Variants in ZNF81 observed in about 807,000 individuals in gnomAD.
ZNF81 encodes zinc finger protein 81, also known as zinc finger protein 81 (HFZ20).
Under a neutral mutation model 32.3 loss-of-function variants are expected in ZNF81, and 5 were observed. The observed-to-expected ratio is 0.15, with a 90% confidence interval of 0.08 to 0.33. The LOEUF is 0.33. Among genes scored for constraint, ZNF81 ranks in the 10% least tolerant of loss-of-function variants. The probability of loss-of-function intolerance (pLI) is 1.00; values close to 1 mark genes in which losing one functional copy is unlikely to be tolerated. For synonymous variants in ZNF81, 163 were observed against 166.8 expected (o/e 0.98, Z 0.17); for missense variants, 379 against 479.8 (o/e 0.79, Z 1.96).
chrX:47,854,952 G>T (rs970055427), intron 2 of ZNF81, among the ~76,000 whole-genome samples: 1 of 109,942 alleles, frequency 9.1e-6, no homozygotes, highest in African/African-American at 3.3e-5. Context: ...AATATTAGCC[G>T]GGTGTGGTGG....
At chrX:47,904,215 G>T (rs1436030190) in intron 4 of ZNF81, among the ~76,000 whole-genome samples, 1 of 111,312 alleles carries the variant, frequency 9.0e-6, no homozygotes, top group Non-Finnish European at 1.9e-5. Context: ...TTGACAAATG[G>T]GATCTAATTA....
At chrX:47,842,281 G>A (rs74728075) in intron 1 of ZNF81, among the ~76,000 whole-genome samples, 1,359 of 111,709 alleles carry the variant, frequency 0.012, 16 homozygotes, top group Non-Finnish European at 0.02. Flanking sequence ...GTGTTTGGCT[G>A]GAGAAGGCTG....
intron 1 of ZNF81, among the ~76,000 whole-genome samples, chrX:47,838,201 T>G (rs1336216452): frequency 8.9e-6 from 1 of 111,982 alleles, no homozygotes; most frequent in Non-Finnish European, 1.9e-5. Flanking sequence ...ATTATTAGGT[T>G]TTACACCTTT....
At chrX:47,844,039 A>G (rs782022733) in intron 1 of ZNF81, among the ~76,000 whole-genome samples, 9 of 111,995 alleles carry the variant, frequency 8.0e-5, no homozygotes, top group Non-Finnish European at 1.5e-4. Context: ...TTTCACTCCA[A>G]ATACAATGCT....
In ZNF81 at chrX:47,924,134, T is replaced by G. The variant is rs2058784738; in HGVS notation, c.*7502T>G. On this transcript the variant is annotated 3_prime_UTR_variant, in exon 5 of 5. Coordinates refer to ENST00000338637, the MANE Select transcript of ZNF81 (RefSeq NM_007137.5). ...TGGTTTAGTGATTTCTTTAGTCTTC[T>G]AACTCCCCCTTCTAAACCTTCCCCA... Among the ~76,000 whole-genome samples, 1 of 112,133 alleles carries G rather than the reference T, an allele frequency of 8.9e-6. No individual in the cohort carries two copies.
Position 47,836,956 on chromosome X carries a change from G to A in ZNF81, c.-195G>A, listed in dbSNP as rs2058427544. 1 of 216,819 alleles carries A rather than the reference G, an allele frequency of 4.6e-6. No homozygotes were observed. The highest frequency in any genetic ancestry group is 8.9e-6 in the Non-Finnish European group (1 of 112,689). The allele number at this position is 216,819 out of a possible 1,213,427, so 17.9% of individuals were successfully genotyped here. On this transcript the variant is annotated 5_prime_UTR_variant, in exon 1 of 5. Transcript: ENST00000338637. ...AGCCGGGGTTTGATAGTTGTCAGGA[G>A]GATTCGACGTTCAGTGCCCAGGGAT...
chrX:47,908,697 A>G (rs2058728998), intron 4 of ZNF81, among the ~76,000 whole-genome samples: 1 of 112,591 alleles, frequency 8.9e-6, no homozygotes, highest in South Asian at 3.6e-4. Context: ...ATACTACACA[A>G]CAATGAAAAG....
At chrX:47,841,423 G>T in intron 1 of ZNF81, 1 of 911,232 alleles carries the variant, frequency 1.1e-6, no homozygotes, top group Non-Finnish European at 1.6e-6. Flanking sequence ...CAATCCTTTC[G>T]ATGTGTATGA....
Position 47,857,593 on chromosome X carries a change from C to T in ZNF81, c.54+11272C>T, listed in dbSNP as rs782452575. On this transcript the variant is annotated intron_variant, in intron 2 of 4. Coordinates refer to ENST00000338637, the MANE Select transcript of ZNF81 (RefSeq NM_007137.5). ...TTAGAAATGATCTTTCCACTGAACC[C>T]TTTCCCCTCCCTTCCAGTTATCTCC... Among the ~76,000 whole-genome samples, 3 of 111,480 alleles carry T rather than the reference C, an allele frequency of 2.7e-5. No homozygotes were observed. The East Asian group carries it at 8.5e-4, about 31-fold the overall frequency.
Position 47,923,886 on chromosome X carries a change from C to T in ZNF81, c.*7254C>T, listed in dbSNP as rs1556892342. The stretch of plus-strand genomic sequence containing the variant: ...CCCAGCAGGTTCCAGTTTTTCCTAT[C>T]TTCCACTCTATATCCAGCCCTTCTT... On this transcript the variant is annotated 3_prime_UTR_variant, in exon 5 of 5. Coordinates refer to ENST00000338637, the MANE Select transcript of ZNF81 (RefSeq NM_007137.5). Among the ~76,000 whole-genome samples the T allele has an allele frequency of 9.0e-6, 1 of 111,475 alleles. No homozygotes were observed. Among genetic ancestry groups the T allele is most frequent in the Non-Finnish European group, 1.9e-5 (1 of 53,085 alleles).
chrX:47,907,715 C>A (rs1232265421), intron 4 of ZNF81, among the ~76,000 whole-genome samples: 6 of 111,639 alleles, frequency 5.4e-5, no homozygotes, highest in African/African-American at 1.6e-4. Flanking sequence ...AAAGAAACAT[C>A]ATTACAAATC....
Position 47,915,116 on chromosome X carries a change from A to G in ZNF81, c.470A>G (p.Asn157Ser), listed in dbSNP as rs41312157. The G allele has an allele frequency of 7.3e-3, 8,810 of 1,204,219 alleles. 28 individuals carry two copies. The highest frequency in any genetic ancestry group is 0.01 in the Middle Eastern group (44 of 4,312). ...NKLLSRTTFLNKKILNTEWDY... is the reference protein window; with the variant it reads ...NKLLSRTTFLSKKILNTEWDY... ...CTTCTGAGTCGCACTACTTTCCTCAATAAGAAAATATTGAATACAGAGTGG... is the reference window on the plus strand; with the variant it reads ...CTTCTGAGTCGCACTACTTTCCTCAGTAAGAAAATATTGAATACAGAGTGG... The change falls in exon 5 of 5, where the codon AAT becomes AGT. Residue 157 changes from asparagine (N) to serine (S), a missense_variant. This residue lies in a region of ZNF81 where 277 missense variants were observed against 306.6 expected (regional missense o/e 0.90). Transcript: ENST00000338637.
intron 3 of ZNF81, 30 bp downstream of exon 3, chrX:47,888,155 G>T: frequency 8.3e-7 from 1 of 1,198,665 alleles, no homozygotes; most frequent in South Asian, 1.8e-5. Context: ...GAAGTTGTGA[G>T]GAGCCTGTTA....
intron 4 of ZNF81, among the ~76,000 whole-genome samples, chrX:47,898,412 C>T (rs1012200441): frequency 9.0e-6 from 1 of 111,676 alleles, no homozygotes; most frequent in African/African-American, 3.3e-5. Flanking sequence ...ATCAAGGGTA[C>T]AGAAAATAAG....
At chrX:47,855,605 T>G (rs1049615922) in intron 2 of ZNF81, among the ~76,000 whole-genome samples, 1 of 111,856 alleles carries the variant, frequency 8.9e-6, no homozygotes, top group Non-Finnish European at 1.9e-5. Flanking sequence ...ATTTACTGTT[T>G]TCTTGATTGT....
At chrX:47,851,677 T>C (rs782321547) in intron 2 of ZNF81, among the ~76,000 whole-genome samples, 5 of 112,617 alleles carry the variant, frequency 4.4e-5, no homozygotes, top group Non-Finnish European at 7.5e-5. Context: ...GTTAGTGTTT[T>C]CTCTGTGCAT....
chrX:47,905,512 A>C (rs1374666047), intron 4 of ZNF81, among the ~76,000 whole-genome samples: 1 of 110,144 alleles, frequency 9.1e-6, no homozygotes, highest in African/African-American at 3.3e-5. Flanking sequence ...TAAAAAGATT[A>C]AAAATTGGCC....
At chrX:47,876,541 G>T (rs2058600298) in intron 2 of ZNF81, among the ~76,000 whole-genome samples, 1 of 112,193 alleles carries the variant, frequency 8.9e-6, no homozygotes, top group Admixed American at 9.4e-5. Context: ...CAGGTCAAGA[G>T]CAGTCCGGGC....
intron 2 of ZNF81, among the ~76,000 whole-genome samples, chrX:47,866,559 G>C: frequency 9.0e-6 from 1 of 111,596 alleles, no homozygotes. Context: ...AGTTTACCTG[G>C]TAATTGGAGT....
Sources: allele counts gnomAD v4.1 joint callset (sites outside exome capture counted in the v4.1 genomes callset), GRCh38; gene constraint gnomAD v4.1.1; regional missense constraint gnomAD v4.1.1; transcripts MANE v1.5; gene names NCBI Gene and HGNC (gene_info 2026-07-23, HGNC 2026-07-21).